Variants in ERBB4 observed in about 807,000 individuals in gnomAD.
ERBB4 encodes receptor tyrosine-protein kinase erbB-4.
In ERBB4, 42 loss-of-function variants were observed where a neutral mutation model predicts 158.0. That is an observed-to-expected ratio of 0.27 (90% CI 0.21 to 0.34). ERBB4 has a LOEUF of 0.34. Ranked by LOEUF, ERBB4 falls within the 10% of genes least tolerant of loss-of-function variation. The pLI, the probability that ERBB4 is intolerant of heterozygous loss-of-function variation, is 1.00. For missense variants in ERBB4, 1,333 were observed against 1,624.1 expected, an observed-to-expected ratio of 0.82 and a Z score of 3.08; for synonymous variants, 583 against 558.7, an observed-to-expected ratio of 1.04 and a Z score of -0.61.
chr2:211,709,215 C>CTA (rs1247130838), intron 9 of ERBB4, among the ~76,000 whole-genome samples: 4 of 135,896 alleles, frequency 2.9e-5, no homozygotes, highest in Non-Finnish European at 6.1e-5. Flanking sequence ...CCGGAGGTGA[C>CTA]TATATATATG....
intron 25 of ERBB4, among the ~76,000 whole-genome samples, chr2:211,419,412 G>A (rs896259476): frequency 6.6e-6 from 1 of 152,066 alleles, no homozygotes; most frequent in Non-Finnish European, 1.5e-5. Flanking sequence ...TGAGCAGCAA[G>A]TTGAAAATAT....
At chr2:211,454,128 G>GT (rs2064320462) in intron 20 of ERBB4, among the ~76,000 whole-genome samples, 1 of 152,084 alleles carries the variant, frequency 6.6e-6, no homozygotes, top group African/African-American at 2.4e-5. Flanking sequence ...CATTCTATCA[G>GT]TTTTTTCTTA....
At chr2:212,374,497 G>T (rs1178713184) in intron 1 of ERBB4, among the ~76,000 whole-genome samples, 1 of 151,934 alleles carries the variant, frequency 6.6e-6, no homozygotes, top group African/African-American at 2.4e-5. Flanking sequence ...ATGTGTGTGT[G>T]TGTACACCAC....
intron 1 of ERBB4, among the ~76,000 whole-genome samples, chr2:212,207,493 A>G (rs1408495368): frequency 6.6e-6 from 1 of 152,218 alleles, no homozygotes; most frequent in African/African-American, 2.4e-5. Flanking sequence ...GAGTGAACTC[A>G]AAGAACAGTG....
intron 16 of ERBB4, among the ~76,000 whole-genome samples, chr2:211,636,789 AT>A (rs1328863594): frequency 6.6e-6 from 1 of 151,996 alleles, no homozygotes; most frequent in Non-Finnish European, 1.5e-5. Flanking sequence ...GTTTACCTCT[AT>A]GAAAGGGAAT....
intron 20 of ERBB4, among the ~76,000 whole-genome samples, chr2:211,454,857 T>C (rs115896627): frequency 3.3e-5 from 5 of 152,348 alleles, no homozygotes; most frequent in African/African-American, 1.2e-4. Context: ...ATTTGGCTTG[T>C]CAGTGCCTCC....
At chr2:211,573,942 T>C (rs1402428283) in intron 19 of ERBB4, among the ~76,000 whole-genome samples, 1 of 152,198 alleles carries the variant, frequency 6.6e-6, no homozygotes, top group African/African-American at 2.4e-5. Context: ...TATAGTAGTC[T>C]AATCTAAATG....
rs2079123158 is a variant in ERBB4 at position 212,102,831 on chromosome 2, T to C, written c.234+21921A>G. On this transcript the variant is annotated intron_variant, in intron 2 of 27. Coordinates refer to ENST00000342788, the MANE Select transcript of ERBB4 (RefSeq NM_005235.3). The stretch of plus-strand genomic sequence containing the variant: ...TCTTCATCCTTGACATCTACAGCTA[T>C]CATAAATACTATTAATTCTATTTCC... 2.0e-5 allele frequency among the ~76,000 whole-genome samples: 3 copies of C among 152,150 alleles called. No homozygotes were observed. The South Asian group carries it at 6.2e-4, about 32-fold the overall frequency.
intron 11 of ERBB4, 55 bp from the exon 12 acceptor site, chr2:211,702,221 A>G: frequency 7.9e-7 from 1 of 1,266,528 alleles, no homozygotes; most frequent in Non-Finnish European, 1.2e-6. Context: ...GGAGTAAAAT[A>G]AGGCTGTCAC....
intron 20 of ERBB4, among the ~76,000 whole-genome samples, chr2:211,470,762 T>C (rs1460760080): frequency 2.0e-5 from 3 of 152,184 alleles, no homozygotes; most frequent in African/African-American, 4.8e-5. Flanking sequence ...CAATCTGTAT[T>C]TCTACACATC....
At chr2:211,982,923 A>G (rs2081844175) in intron 2 of ERBB4, among the ~76,000 whole-genome samples, 1 of 152,214 alleles carries the variant, frequency 6.6e-6, no homozygotes, top group African/African-American at 2.4e-5. Context: ...ATGTATGTCT[A>G]TCCTTTACAA....
intron 1 of ERBB4, among the ~76,000 whole-genome samples, chr2:212,451,388 T>C (rs1217201260): frequency 1.3e-5 from 2 of 152,250 alleles, no homozygotes; most frequent in Non-Finnish European, 2.9e-5. Context: ...AATTTACCGA[T>C]TGAAAATATC....
intron 1 of ERBB4, among the ~76,000 whole-genome samples, chr2:212,355,517 G>T (rs2106350058): frequency 6.6e-6 from 1 of 152,060 alleles, no homozygotes; most frequent in Non-Finnish European, 1.5e-5. Context: ...AAAAATCCAG[G>T]GGAGATAAGA....
Position 212,225,815 on chromosome 2 carries a change from G to C in ERBB4, c.83-100912C>G, listed in dbSNP as rs181851218. ...CCAAAGTTACATGGTCCCTATAACAGGCTGAATCCTCAGATGACCCCCAAG... is the reference window on the plus strand; with the variant it reads ...CCAAAGTTACATGGTCCCTATAACACGCTGAATCCTCAGATGACCCCCAAG... On this transcript the variant is annotated intron_variant, in intron 1 of 27. Coordinates refer to ENST00000342788, the MANE Select transcript of ERBB4 (RefSeq NM_005235.3). 7.2e-4 allele frequency among the ~76,000 whole-genome samples: 109 copies of C among 151,908 alleles called. 4 individuals are homozygous for C. The East Asian group carries it at 0.017, about 24-fold the overall frequency.
intron 20 of ERBB4, among the ~76,000 whole-genome samples, chr2:211,444,913 CAA>C (rs2064072408): frequency 6.6e-6 from 1 of 151,798 alleles, no homozygotes; most frequent in Non-Finnish European, 1.5e-5. Flanking sequence ...AAAAAACTAA[CAA>C]AAGTGGAATT....
intron 1 of ERBB4, among the ~76,000 whole-genome samples, chr2:212,201,703 C>T (rs964863994): frequency 6.6e-6 from 1 of 152,138 alleles, no homozygotes; most frequent in African/African-American, 2.4e-5. Flanking sequence ...ATTCTGTCCT[C>T]TCTGGATACT....
intron 1 of ERBB4, among the ~76,000 whole-genome samples, chr2:212,421,801 T>C (rs1254569450): frequency 2.0e-5 from 3 of 152,178 alleles, no homozygotes; most frequent in Non-Finnish European, 2.9e-5. Flanking sequence ...CTCTGGATAA[T>C]AATGTATTGG....
intron 16 of ERBB4, among the ~76,000 whole-genome samples, chr2:211,634,129 A>G (rs2070264179): frequency 6.6e-6 from 1 of 152,244 alleles, no homozygotes; most frequent in Non-Finnish European, 1.5e-5. Context: ...TTTATGATCC[A>G]TTTATATTCC....
chr2:212,046,991 C>A (rs936249248), intron 2 of ERBB4, among the ~76,000 whole-genome samples: 4 of 152,056 alleles, frequency 2.6e-5, no homozygotes, highest in Non-Finnish European at 5.9e-5. Flanking sequence ...AAAATAAGCA[C>A]AAAGAGCTGA....
Sources: gnomAD v4.1 joint callset for allele counts (sites outside exome capture counted in the v4.1 genomes callset) on GRCh38, gnomAD v4.1.1 for gene constraint, MANE v1.5 for transcripts, NCBI Gene and HGNC (gene_info 2026-07-23, HGNC 2026-07-21) for gene names.